CACNB2: variants seen among roughly 807,000 people sequenced by gnomAD.
CACNB2 encodes voltage-dependent L-type calcium channel subunit beta-2.
CACNB2 carries 42 observed loss-of-function variants against 73.3 expected under a neutral mutation model. That is an observed-to-expected ratio of 0.57 (90% confidence interval 0.45 to 0.74). The LOEUF (loss-of-function observed/expected upper bound fraction) is 0.74. Ranked by LOEUF, CACNB2 falls within the 30% of genes least tolerant of loss-of-function variation. CACNB2 has a pLI of 0.00. For missense variants in CACNB2, 940 were observed against 853.0 expected (o/e 1.10, Z -1.27); for synonymous variants, 348 against 310.3 (o/e 1.12, Z -1.28).
At chr10:18,449,407 CACA>C (rs1407330657) in intron 3 of CACNB2, among the ~76,000 whole-genome samples, 4 of 152,004 alleles carry the variant, frequency 2.6e-5, no homozygotes, top group Non-Finnish European at 5.9e-5. Flanking sequence ...AAATAAAACA[CACA>C]ACAACAAAAA....
chr10:18,221,866 T>G (rs1263576641), intron 2 of CACNB2, among the ~76,000 whole-genome samples: 1 of 152,208 alleles, frequency 6.6e-6, no homozygotes, highest in African/African-American at 2.4e-5. Flanking sequence ...TGTTCTGTCT[T>G]TATCAAAAGC....
intron 2 of CACNB2, among the ~76,000 whole-genome samples, chr10:18,268,807 C>T (rs1486840673): frequency 1.3e-5 from 2 of 152,096 alleles, no homozygotes; most frequent in Non-Finnish European, 2.9e-5. Flanking sequence ...TATCTCCTAC[C>T]TCACTAGAAA....
intron 2 of CACNB2, among the ~76,000 whole-genome samples, chr10:18,350,800 GT>G (rs1043063523): frequency 4.6e-5 from 7 of 152,130 alleles, no homozygotes; most frequent in Non-Finnish European, 8.8e-5. Flanking sequence ...TTTCTGTTTG[GT>G]TTTTTAGTGG....
At chr10:18,426,955 ATTTTT>A (rs551543429) in intron 3 of CACNB2, among the ~76,000 whole-genome samples, 1 of 81,656 alleles carries the variant, frequency 1.2e-5, no homozygotes. Context: ...CCTTTTCTAC[ATTTTT>A]TTTTTTTTTT....
chr10:18,193,158 A>G (rs1263910286), intron 2 of CACNB2, among the ~76,000 whole-genome samples: 1 of 152,056 alleles, frequency 6.6e-6, no homozygotes, highest in Non-Finnish European at 1.5e-5. Flanking sequence ...CACCTCAAAC[A>G]TTTGTCATTT....
At chr10:18,215,198 AGT>A (rs1047993107) in intron 2 of CACNB2, among the ~76,000 whole-genome samples, 1 of 131,856 alleles carries the variant, frequency 7.6e-6, no homozygotes, top group African/African-American at 4.3e-5. Flanking sequence ...GAATGAAGAC[AGT>A]GTGTTTATTT....
intron 2 of CACNB2, among the ~76,000 whole-genome samples, chr10:18,275,974 A>T (rs1408706613): frequency 1.3e-5 from 2 of 152,214 alleles, no homozygotes; most frequent in Non-Finnish European, 2.9e-5. Context: ...TTCAGATTTA[A>T]TGAGGAAATT....
chr10:18,411,285 C>T (rs973352040), intron 3 of CACNB2, among the ~76,000 whole-genome samples: 2 of 152,048 alleles, frequency 1.3e-5, no homozygotes, highest in Non-Finnish European at 2.9e-5. Flanking sequence ...TGCAGAAGCC[C>T]GCTGGACCTC....
intron 2 of CACNB2, among the ~76,000 whole-genome samples, chr10:18,256,302 A>C (rs914135718): frequency 6.6e-6 from 1 of 152,236 alleles, no homozygotes; most frequent in Non-Finnish European, 1.5e-5. Flanking sequence ...TATCACAGAC[A>C]AGTATACAAG....
At chr10:18,393,134 G>A (rs986931722) in intron 2 of CACNB2, among the ~76,000 whole-genome samples, 9 of 151,116 alleles carry the variant, frequency 6.0e-5, no homozygotes, top group South Asian at 2.1e-4. Context: ...GCTTGAACCC[G>A]GGAAGCGGAG....
chr10:18,418,653 C>T lies in CACNB2; in HGVS notation c.333+16610C>T, dbSNP rs148586569. ...TCAAACTGTGTTCAAATAAGACAAA[C>T]GCCAATATGTAGCCAGTCCAGCTAT... On this transcript the variant is annotated intron_variant, in intron 3 of 13. Coordinates refer to ENST00000324631, the MANE Select transcript of CACNB2 (RefSeq NM_201596.3). 4.6e-3 allele frequency among the ~76,000 whole-genome samples: 699 copies of T among 152,286 alleles called. 7 individuals are homozygous for T. Among genetic ancestry groups the T allele is most frequent in the African/African-American group, 0.016 (647 of 41,548 alleles).
chr10:18,224,285 A>G (rs2035902725), intron 2 of CACNB2: 1 of 151,020 alleles, frequency 6.6e-6, no homozygotes, highest in Non-Finnish European at 1.5e-5. Context: ...ATTAAGACCT[A>G]CCTTCCGTGT....
At chr10:18,145,145 T>G (rs922287749) in intron 1 of CACNB2, among the ~76,000 whole-genome samples, 3 of 152,238 alleles carry the variant, frequency 2.0e-5, no homozygotes, top group African/African-American at 4.8e-5. Context: ...CAGCCGAGTC[T>G]GCCAGATGCT....
chr10:18,146,306 A>ATT (rs10714038), intron 1 of CACNB2, among the ~76,000 whole-genome samples: 2,296 of 118,882 alleles, frequency 0.019, 94 homozygotes, highest in African/African-American at 0.069. Flanking sequence ...ATGGAGACTA[A>ATT]TTTTTTTTTT....
chr10:18,250,504 G>A (rs1297733922), intron 2 of CACNB2, among the ~76,000 whole-genome samples: 10 of 151,486 alleles, frequency 6.6e-5, no homozygotes, highest in Non-Finnish European at 1.0e-4. Context: ...AGGTCAAGGA[G>A]GTCTGCCTAT....
At chr10:18,370,384 G>A (rs530499639) in intron 2 of CACNB2, among the ~76,000 whole-genome samples, 6 of 152,232 alleles carry the variant, frequency 3.9e-5, no homozygotes, top group South Asian at 4.1e-4. Flanking sequence ...TGCAGCTTCC[G>A]CCTCCTGGAT....
chr10:18,537,801 T>C (rs992315437), intron 12 of CACNB2, among the ~76,000 whole-genome samples: 2 of 152,018 alleles, frequency 1.3e-5, no homozygotes, highest in African/African-American at 4.8e-5. Context: ...AAAAAAGATA[T>C]CACAATCTTT....
At chr10:18,361,587 C>T (rs2042142262) in intron 2 of CACNB2, among the ~76,000 whole-genome samples, 2 of 148,800 alleles carry the variant, frequency 1.3e-5, no homozygotes, top group African/African-American at 4.9e-5. Flanking sequence ...TGTTATATTA[C>T]TGTTATCCTG....
At chr10:18,398,591 C>T (rs576400001) in intron 2 of CACNB2, among the ~76,000 whole-genome samples, 2 of 151,878 alleles carry the variant, frequency 1.3e-5, no homozygotes, top group Non-Finnish European at 1.5e-5. Flanking sequence ...GGATCACTTT[C>T]GCCCAGGAGG....
Sources: gnomAD v4.1 joint callset for allele counts (sites outside exome capture counted in the v4.1 genomes callset) on GRCh38, gnomAD v4.1.1 for gene constraint, MANE v1.5 for transcripts, NCBI Gene and HGNC (gene_info 2026-07-23, HGNC 2026-07-21) for gene names.